ATP10B: variants seen among roughly 807,000 people sequenced by gnomAD.
ATP10B encodes the protein ATPase phospholipid transporting 10B (putative).
Under a neutral mutation model 141.2 loss-of-function variants are expected in ATP10B, and 122 were observed. The ratio of observed to expected loss-of-function variants is 0.86; its 90% CI spans 0.75 to 1.00. ATP10B has a LOEUF of 1.00. ATP10B is among the 50% of genes least tolerant of loss of function. ATP10B has a pLI of 0.00. For missense variants in ATP10B, 1,876 were observed against 1,825.3 expected (o/e 1.03, Z -0.51); for synonymous variants, 685 against 692.0 (o/e 0.99, Z 0.16).
intron 2 of ATP10B, among the ~76,000 whole-genome samples, chr5:160,733,618 A>ATG (rs1428766267): frequency 6.6e-6 from 1 of 151,632 alleles, no homozygotes; most frequent in Admixed American, 6.6e-5. Context: ...TGTCACACAT[A>ATG]TATTACACAT....
chr5:160,680,077 G>T (rs904341165), intron 6 of ATP10B, among the ~76,000 whole-genome samples: 31 of 152,106 alleles, frequency 2.0e-4, no homozygotes, highest in African/African-American at 7.5e-4. Flanking sequence ...TGTCAACAAG[G>T]CTTCTGCTGT....
chr5:160,805,670 C>A (rs1251672619), intron 1 of ATP10B, among the ~76,000 whole-genome samples: 2 of 152,094 alleles, frequency 1.3e-5, no homozygotes, highest in African/African-American at 4.8e-5. Context: ...CACTTAAGAG[C>A]ATTTACACGG....
chr5:160,768,205 T>C (rs553598435), intron 2 of ATP10B, among the ~76,000 whole-genome samples: 1 of 152,304 alleles, frequency 6.6e-6, no homozygotes, highest in East Asian at 1.9e-4. Context: ...ATGTCTAGAA[T>C]TTTGCTAAAT....
At chr5:160,801,954 A>T (rs13436116) in intron 1 of ATP10B, among the ~76,000 whole-genome samples, 2 of 152,106 alleles carry the variant, frequency 1.3e-5, no homozygotes, top group Admixed American at 1.3e-4. Flanking sequence ...GATCTTCCCA[A>T]GAAATATTTA....
the ATP10B span, among the ~76,000 whole-genome samples, chr5:160,924,658 T>C: frequency 1.3e-5 from 2 of 152,158 alleles, no homozygotes; most frequent in East Asian, 3.8e-4. Context: ...TCCAACTGGC[T>C]ATCATGGCTT....
chr5:160,773,171 C>G (rs1402571558), intron 2 of ATP10B, among the ~76,000 whole-genome samples: 1 of 152,188 alleles, frequency 6.6e-6, no homozygotes, highest in African/African-American at 2.4e-5. Context: ...TGATGCTAAT[C>G]TGGTTGCTAA....
chr5:160,618,664 G>A (rs943937014), intron 15 of ATP10B, among the ~76,000 whole-genome samples: 3 of 152,188 alleles, frequency 2.0e-5, no homozygotes, highest in Non-Finnish European at 4.4e-5. Context: ...TCTGTCAGAG[G>A]TAATTTGTCT....
intron 1 of ATP10B, among the ~76,000 whole-genome samples, chr5:160,815,412 A>C (rs62392615): frequency 0.015 from 2,340 of 152,326 alleles, 26 homozygotes; most frequent in Non-Finnish European, 0.026. Flanking sequence ...ATAATGGTAA[A>C]GGGATCAATT....
the ATP10B span, among the ~76,000 whole-genome samples, chr5:160,918,429 G>T: frequency 6.6e-6 from 1 of 152,178 alleles, no homozygotes; most frequent in Non-Finnish European, 1.5e-5. Context: ...ATCAGCAGGA[G>T]AGGTAGGAAG....
chr5:160,787,979 G>A (rs139695800), intron 1 of ATP10B, among the ~76,000 whole-genome samples: 1 of 152,268 alleles, frequency 6.6e-6, no homozygotes, highest in East Asian at 1.9e-4. Flanking sequence ...AATCACTAAT[G>A]GTCCAGTGAT....
At chr5:160,839,079 A>G (rs1166747762) in intron 1 of ATP10B, among the ~76,000 whole-genome samples, 1 of 152,154 alleles carries the variant, frequency 6.6e-6, no homozygotes, top group Non-Finnish European at 1.5e-5. Context: ...CCATGCTTGT[A>G]CAGCCTGCAG....
At chr5:160,753,438 A>T (rs1404776517) in intron 2 of ATP10B, among the ~76,000 whole-genome samples, 1 of 152,192 alleles carries the variant, frequency 6.6e-6, no homozygotes, top group Non-Finnish European at 1.5e-5. Flanking sequence ...ATTAGCTTTG[A>T]TTTACAAAGC....
intron 1 of ATP10B, among the ~76,000 whole-genome samples, chr5:160,809,821 G>A (rs1773026782): frequency 6.6e-6 from 1 of 152,210 alleles, no homozygotes; most frequent in African/African-American, 2.4e-5. Flanking sequence ...GGTATGTGCA[G>A]AAGGGATCGG....
chr5:160,817,590 T>G (rs978777869), intron 1 of ATP10B, among the ~76,000 whole-genome samples: 8 of 152,158 alleles, frequency 5.3e-5, no homozygotes, highest in African/African-American at 1.9e-4. Flanking sequence ...AATTTAAAGA[T>G]TTTATGCCAT....
chr5:160,878,588 G>C, the ATP10B span, among the ~76,000 whole-genome samples: 4 of 151,712 alleles, frequency 2.6e-5, no homozygotes, highest in African/African-American at 9.6e-5. Context: ...TACCGTCAGA[G>C]CGAACAGGCA....
At chr5:160,815,652 C>A (rs1773552260) in intron 1 of ATP10B, among the ~76,000 whole-genome samples, 1 of 152,166 alleles carries the variant, frequency 6.6e-6, no homozygotes, top group African/African-American at 2.4e-5. Flanking sequence ...CTCAGCTCTG[C>A]ACCAAGTGGA....
At chr5:160,680,913 T>C (rs1763356753) in intron 6 of ATP10B, among the ~76,000 whole-genome samples, 1 of 152,196 alleles carries the variant, frequency 6.6e-6, no homozygotes, top group Admixed American at 6.5e-5. Flanking sequence ...TTCTTTCTCT[T>C]TTCATACATG....
chr5:160,584,188 T>C (rs925171784), intron 24 of ATP10B, among the ~76,000 whole-genome samples: 19 of 152,302 alleles, frequency 1.2e-4, no homozygotes, highest in South Asian at 2.1e-4. Context: ...GAGAATCTCC[T>C]GGTCTGTGGA....
chr5:160,611,117 C>T (rs145768929), intron 18 of ATP10B, among the ~76,000 whole-genome samples: 1 of 152,268 alleles, frequency 6.6e-6, no homozygotes, highest in African/African-American at 2.4e-5. Flanking sequence ...AAAGACTAAT[C>T]TTACAGGTTT....
Sources: allele counts gnomAD v4.1 joint callset (sites outside exome capture counted in the v4.1 genomes callset), GRCh38; gene constraint gnomAD v4.1.1; transcripts MANE v1.5; gene names NCBI Gene and HGNC (gene_info 2026-07-23, HGNC 2026-07-21).